Variants in PCARE observed in about 807,000 individuals in gnomAD.
PCARE encodes the protein photoreceptor cilium actin regulator, also known as uncharacterized protein C2orf71.
A neutral mutation model predicts 82.2 loss-of-function variants in PCARE; 72 were observed. The ratio of observed to expected loss-of-function variants is 0.88; its 90% CI spans 0.72 to 1.07. The LOEUF is 1.07. Among genes scored for constraint, PCARE ranks in the 50% least tolerant of loss-of-function variants. The pLI is 0.00. For missense variants in PCARE, 1,768 were observed against 1,592.4 expected, an observed-to-expected ratio of 1.11 and a Z score of -1.88; for synonymous variants, 705 against 634.8, an observed-to-expected ratio of 1.11 and a Z score of -1.66.
rs1185805844 is a variant in PCARE, at chr2:29,071,283, C to T, written c.2979G>A (p.Lys993=). ...SRERSPPVGR[K]ASPTRTHWVP... ...CCCAGTGTGTCCTCGTGGGAGAGGC[C>T]TTTCTGCCCACAGGGGGGCTTCTCT... The change falls in exon 1 of 2, where the codon AAG becomes AAA. Residue 993 remains lysine, a synonymous_variant. Transcript: ENST00000331664. 6.2e-7 allele frequency: 1 copy of T among 1,613,412 alleles called. No individual in the cohort carries two copies. Among genetic ancestry groups the T allele is most frequent in the East Asian group, 2.2e-5 (1 of 44,866 alleles).
intron 1 of PCARE, among the ~76,000 whole-genome samples, chr2:29,070,325 AT>A (rs890962259): frequency 1.3e-4 from 19 of 151,668 alleles, no homozygotes; most frequent in Admixed American, 1.1e-3. Flanking sequence ...ATGTGTTCTC[AT>A]TTGAACTTGA....
At chr2:29,065,588 A>G (rs374570074) in intron 1 of PCARE, among the ~76,000 whole-genome samples, 1 of 152,194 alleles carries the variant, frequency 6.6e-6, no homozygotes, top group South Asian at 2.1e-4. Context: ...CACAGCTAAG[A>G]GGGGCTTTGC....
Position 29,070,745 on chromosome 2 carries a change from C to T in PCARE, c.3517G>A (p.Ala1173Thr). 1 of 1,614,160 alleles carries T rather than the reference C, an allele frequency of 6.2e-7. No individual in the cohort carries two copies. Among genetic ancestry groups the T allele is most frequent in the Non-Finnish European group, 8.5e-7 (1 of 1,180,046 alleles). ...AGAGCTGCTCTCCGCTGCGAGTCTG[C>T]TCTCAGCCAAGGCCCTGAGCTGTTC... ...WKNSSGPWLRADSQRRAALCA... is the reference protein window; with the variant it reads ...WKNSSGPWLRTDSQRRAALCA... Residue 1173 changes from alanine to threonine, a missense_variant, in exon 1 of 2, where the codon GCA (alanine) becomes ACA (threonine). By Grantham distance (58) the Ala-to-Thr change is moderately conservative. Transcript: ENST00000331664.
chr2:29,073,295 T>G lies in PCARE; in HGVS notation c.967A>C (p.Arg323=). ...AGGCTCTCTAGCTGCCTCAGAGCCCTCAGGAGGCGTTCATCCACATTCCTT... is the reference window on the plus strand; with the variant it reads ...AGGCTCTCTAGCTGCCTCAGAGCCCGCAGGAGGCGTTCATCCACATTCCTT... The part of the protein sequence containing the change: ...TKRNVDERLL[R]ALRQLESLAS... Residue 323 remains arginine (R), a synonymous_variant, in exon 1 of 2, where the codon AGG becomes CGG. Transcript: ENST00000331664. The G allele has an allele frequency of 6.2e-7, 1 of 1,614,142 alleles. No homozygotes were observed. Among genetic ancestry groups the G allele is most frequent in the South Asian group, 1.1e-5 (1 of 91,072 alleles).
At chr2:29,068,414 A>G (rs947285538) in intron 1 of PCARE, among the ~76,000 whole-genome samples, 1 of 152,240 alleles carries the variant, frequency 6.6e-6, no homozygotes, top group African/African-American at 2.4e-5. Context: ...TCTGGCAGAA[A>G]TTAACTGCTG....
In PCARE at chr2:29,072,928, G is replaced by A; in HGVS notation, c.1334C>T (p.Ser445Phe). ...GCTTGTCCCCAGCTTCAAAGGTGGG[G>A]AGGTGATATTTTCTGGGCTTGTACT... ...LSSTSPENIT[S>F]PPLKLGTSTP... The change falls in exon 1 of 2, where the codon TCC becomes TTC. Residue 445 changes from serine (S) to phenylalanine (F), a missense_variant. By Grantham distance (155) the Ser-to-Phe change is radical. Coordinates refer to ENST00000331664, the MANE Select transcript of PCARE (RefSeq NM_001029883.3). The A allele has an allele frequency of 3.1e-6, 5 of 1,614,182 alleles. No homozygotes were observed. Among genetic ancestry groups the A allele is most frequent in the Non-Finnish European group, 4.2e-6 (5 of 1,180,022 alleles).
At position 29,071,387 on chromosome 2, in the gene PCARE, C is replaced by A; in HGVS notation, c.2875G>T (p.Ala959Ser). 15 of 1,613,724 alleles carry A rather than the reference C, an allele frequency of 9.3e-6. No homozygotes were observed. The highest frequency in any genetic ancestry group is 1.2e-5 in the Non-Finnish European group (14 of 1,179,924). Residue 959 changes from alanine (A) to serine (S), a missense_variant, in exon 1 of 2, where the codon GCC (alanine) becomes TCC (serine). Physicochemically the swap from Ala to Ser is moderately conservative, Grantham distance 99. Transcript: ENST00000331664. The part of the protein sequence containing the change: ...SLYRQPRKAI[A>S]WHHSGPPSGQ... ...GATGGAGGGCCGGAGTGGTGCCAGG[C>A]GATGGCCTTCCGGGGCTGCCTGTAG...
chr2:29,072,663 C>A lies in PCARE; in HGVS notation c.1599G>T (p.Arg533Ser), dbSNP rs781286343. 6.2e-7 allele frequency: 1 copy of A among 1,614,052 alleles called. No homozygotes were observed. The highest frequency in any genetic ancestry group is 2.2e-5 in the East Asian group (1 of 44,876). Residue 533 changes from arginine (R) to serine (S), a missense_variant, in exon 1 of 2, where the codon AGG becomes AGT. Physicochemically the swap from Arg to Ser is moderately radical, Grantham distance 110 (BLOSUM62 -1). Transcript: ENST00000331664. ...SPFQARTRRL[R>S]SLQAQEMILK... is the part of the protein sequence containing the mutation. The stretch of plus-strand genomic sequence containing the variant: ...GAATCATTTCCTGGGCCTGGAGGCT[C>A]CTAAGCCTCCTGGTGCGGGCCTGAA...
Position 29,061,884 on chromosome 2 carries a change from A to G in PCARE, c.*2985T>C, listed in dbSNP as rs1396440043. ...TACAGCTGGGTTTGCCCCTCCTGCC[A>G]CCAGCAATGCGTGCTCCAAGGCAGA... On this transcript the variant is annotated 3_prime_UTR_variant, in exon 2 of 2. Coordinates refer to ENST00000331664, the MANE Select transcript of PCARE (RefSeq NM_001029883.3). The G allele has an allele frequency of 6.6e-6, 1 of 152,216 alleles. No homozygotes were observed. The highest frequency in any genetic ancestry group is 2.4e-5 in the African/African-American group (1 of 41,458). 9.4% of individuals were successfully genotyped at this position (152,216 alleles called of 1,614,324 possible).
chr2:29,071,150 C>G lies in PCARE; in HGVS notation c.3112G>C (p.Val1038Leu), dbSNP rs192103326. Residue 1038 changes from valine (V) to leucine (L), a missense_variant, in exon 1 of 2, where the codon GTG (valine) becomes CTG (leucine). Val to Leu is a conservative substitution (Grantham distance 32). Coordinates refer to ENST00000331664, the MANE Select transcript of PCARE (RefSeq NM_001029883.3). ...CGCTTTGTGGTGGGTGGGCTTAGCACCCTGGGGCTCACAGGTGGGCTGGGG... is the reference window on the plus strand; with the variant it reads ...CGCTTTGTGGTGGGTGGGCTTAGCAGCCTGGGGCTCACAGGTGGGCTGGGG... ...TPPSPPVSPRVLSPPTTKRRT... is the reference protein window; with the variant it reads ...TPPSPPVSPRLLSPPTTKRRT... 6.3e-7 allele frequency: 1 copy of G among 1,581,090 alleles called. No individual in the cohort carries two copies. The highest frequency in any genetic ancestry group is 8.6e-7 in the Non-Finnish European group (1 of 1,163,716).
At position 29,072,894 on chromosome 2, in the gene PCARE, A is replaced by G; in HGVS notation, c.1368T>C (p.Cys456=). The change falls in exon 1 of 2, where the codon TGT becomes TGC. Residue 456 remains cysteine, a synonymous_variant. Coordinates refer to ENST00000331664, the MANE Select transcript of PCARE (RefSeq NM_001029883.3). ...PPLKLGTSTP[C]DSFGIGVSVE... Reference sequence around the variant, plus strand: ...CAGAGACCCCAATCCCAAAGGAATCACATGGGGTGCTTGTCCCCAGCTTCA... The same window carrying G: ...CAGAGACCCCAATCCCAAAGGAATCGCATGGGGTGCTTGTCCCCAGCTTCA... The G allele has an allele frequency of 1.9e-6, 3 of 1,614,164 alleles. No individual in the cohort carries two copies. The highest frequency in any genetic ancestry group is 2.5e-6 in the Non-Finnish European group (3 of 1,180,028).
chr2:29,062,881 TG>T lies in PCARE; in HGVS notation c.*1987del, dbSNP rs1432819728. 5 of 152,294 alleles carry T rather than the reference TG, an allele frequency of 3.3e-5. No individual in the cohort carries two copies. The highest frequency in any genetic ancestry group is 1.2e-4 in the African/African-American group (5 of 41,474). 9.4% of individuals were successfully genotyped at this position (152,294 alleles called of 1,614,324 possible). Reference sequence around the variant, plus strand: ...TGTCCCACTCCAGTCTCCCTGCAGCTGGGGAACAGCTTCGTTTCCTCGGACC... The same window carrying T: ...TGTCCCACTCCAGTCTCCCTGCAGCTGGGAACAGCTTCGTTTCCTCGGACC... On this transcript the variant is annotated 3_prime_UTR_variant, in exon 2 of 2. Transcript: ENST00000331664.
chr2:29,073,056 G>T lies in PCARE; in HGVS notation c.1206C>A (p.Phe402Leu). 1 of 1,614,028 alleles carries T rather than the reference G, an allele frequency of 6.2e-7. No individual in the cohort carries two copies. The change falls in exon 1 of 2, where the codon TTC becomes TTA. Residue 402 changes from phenylalanine (F) to leucine (L), a missense_variant. Physicochemically the swap from Phe to Leu is conservative, Grantham distance 22. Transcript: ENST00000331664. Reference protein sequence around the residue: ...QSGHTWQQSPFCLGSGRPQDC... With the variant: ...QSGHTWQQSPLCLGSGRPQDC... ...CCTGGGGTCTGCCTGAGCCCAAACAGAATGGACTTTGCTGCCAGGTGTGTC... is the reference window on the plus strand; with the variant it reads ...CCTGGGGTCTGCCTGAGCCCAAACATAATGGACTTTGCTGCCAGGTGTGTC...
At position 29,074,159 on chromosome 2, in the gene PCARE, C is replaced by G. The variant is rs187178339; in HGVS notation, c.103G>C (p.Gly35Arg). The G allele has an allele frequency of 1.5e-5, 24 of 1,611,256 alleles. No homozygotes were observed. In the South Asian group the frequency reaches 2.4e-4, roughly 16 times the overall value. The change falls in exon 1 of 2, where the codon GGA becomes CGA. Residue 35 changes from glycine to arginine, a missense_variant. Gly to Arg is a moderately radical substitution (Grantham distance 125, BLOSUM62 -2). Transcript: ENST00000331664. Reference sequence around the variant, plus strand: ...AAAGGGATGGAACCTCTTTCACTTCCGCCCTGACATCCTGGCCGAATTGCT... The same window carrying G: ...AAAGGGATGGAACCTCTTTCACTTCGGCCCTGACATCCTGGCCGAATTGCT... ...PKAIRPGCQG[G>R]SERGSIPLLV...
rs1357273207 is a variant in PCARE at position 29,064,613 on chromosome 2, AAG to A, written c.*254_*255del. On this transcript the variant is annotated 3_prime_UTR_variant, in exon 2 of 2. Transcript: ENST00000331664. Reference sequence around the variant, plus strand: ...CACCCCAAATTAAGGCCAGCACTTGAAGCATTAAATACTGTCATTGTGGGGTC... The same window carrying A: ...CACCCCAAATTAAGGCCAGCACTTGACATTAAATACTGTCATTGTGGGGTC... 1 of 585,310 alleles carries A rather than the reference AAG, an allele frequency of 1.7e-6. No individual in the cohort carries two copies. Among genetic ancestry groups the A allele is most frequent in the Non-Finnish European group, 3.0e-6 (1 of 327,966 alleles). 36.3% of individuals were successfully genotyped at this position (585,310 alleles called of 1,614,324 possible). A position where few individuals can be genotyped will look rare whatever the true frequency, so the allele number is the denominator to read the frequency against.
chr2:29,063,473 T>A lies in PCARE; in HGVS notation c.*1396A>T, dbSNP rs894610307. 6.6e-6 allele frequency: 1 copy of A among 152,638 alleles called. No homozygotes were observed. The highest frequency in any genetic ancestry group is 2.4e-5 in the African/African-American group (1 of 41,450). The allele number at this position is 152,638 out of a possible 1,614,324, so 9.5% of individuals were successfully genotyped here. A position where few individuals can be genotyped will look rare whatever the true frequency, so the allele number is the denominator to read the frequency against. On this transcript the variant is annotated 3_prime_UTR_variant, in exon 2 of 2. Transcript: ENST00000331664. ...TTCATTTACTCAGAGTCATAGCCTC[T>A]CTCTGGGGGAGGTTGCTATAGTCCC...
Position 29,072,907 on chromosome 2 carries a change from G to A in PCARE, c.1355C>T (p.Thr452Ile). The A allele has an allele frequency of 6.2e-7, 1 of 1,614,166 alleles. No homozygotes were observed. Among genetic ancestry groups the A allele is most frequent in the South Asian group, 1.1e-5 (1 of 91,076 alleles). ...NITSPPLKLG[T>I]STPCDSFGIG... is the part of the protein sequence containing the mutation. The stretch of plus-strand genomic sequence containing the variant: ...CCCAAAGGAATCACATGGGGTGCTT[G>A]TCCCCAGCTTCAAAGGTGGGGAGGT... Residue 452 changes from threonine (T) to isoleucine (I), a missense_variant, in exon 1 of 2, where the codon ACA becomes ATA. Coordinates refer to ENST00000331664, the MANE Select transcript of PCARE (RefSeq NM_001029883.3).
rs747224835 is a variant in PCARE, at chr2:29,073,457, G to A, written c.805C>T (p.Gln269Ter). Residue 269 changes from glutamine to a stop codon, truncating the protein, a stop_gained, in exon 1 of 2, where the codon CAG (glutamine) becomes TAG (stop). Coordinates refer to ENST00000331664, the MANE Select transcript of PCARE (RefSeq NM_001029883.3). LOFTEE classifies it high-confidence loss of function. Reference sequence around the variant, plus strand: ...TTGCTGACTGTGTACTGTAGCAGCTGTTGCAGGAGATTTGGCTGCTCCTGG... The same window carrying A: ...TTGCTGACTGTGTACTGTAGCAGCTATTGCAGGAGATTTGGCTGCTCCTGG... ...EPQEQPNLLQ[Q>*]LLQYTVSKLQ... 4 of 1,614,102 alleles carry A rather than the reference G, an allele frequency of 2.5e-6. No homozygotes were observed. In the African/African-American group the frequency reaches 5.3e-5, roughly 22 times the overall value.
Position 29,072,875 on chromosome 2 carries a change from C to CCCCAAT in PCARE, c.1381_1386dup (p.Ile461_Gly462dup). 6.2e-7 allele frequency: 1 copy of CCCCAAT among 1,614,170 alleles called. No individual in the cohort carries two copies. The highest frequency in any genetic ancestry group is 1.1e-5 in the South Asian group (1 of 91,078). ...TTGGAAAGGTGTGGTTCCACAGAGACCCCAATCCCAAAGGAATCACATGGG... is the reference window on the plus strand; with the variant it reads ...TTGGAAAGGTGTGGTTCCACAGAGACCCCAATCCCAATCCCAAAGGAATCACATGGG... On this transcript the variant is annotated inframe_insertion, in exon 1 of 2. Coordinates refer to ENST00000331664, the MANE Select transcript of PCARE (RefSeq NM_001029883.3).
Sources: gnomAD v4.1 joint callset for allele counts (sites outside exome capture counted in the v4.1 genomes callset) on GRCh38, gnomAD v4.1.1 for gene constraint, MANE v1.5 for transcripts, NCBI Gene and HGNC (gene_info 2026-07-23, HGNC 2026-07-21) for gene names.